Variants in LYG2 observed in about 807,000 individuals in gnomAD.
The protein encoded by LYG2 is lysozyme g-like protein 2.
LYG2 carries 25 observed loss-of-function variants against 22.4 expected under a neutral mutation model. The observed-to-expected ratio is 1.12, with a 90% CI of 0.81 to 1.56. LYG2 has a LOEUF of 1.56. Ranked by LOEUF, LYG2 falls within the 40% of genes most tolerant of loss-of-function variation. The probability of loss-of-function intolerance (pLI) is 0.00; values close to 1 mark genes in which losing one functional copy is unlikely to be tolerated. For missense variants in LYG2, 266 were observed against 269.5 expected (o/e 0.99, Z 0.09); for synonymous variants, 88 against 97.0 (o/e 0.91, Z 0.55).
chr2:99,254,406 TTCAAGATAGTATTCTCA>T, intron 2 of LYG2, 121 bp from the exon 3 acceptor site: 2 of 680,664 alleles, frequency 2.9e-6, no homozygotes, highest in Non-Finnish European at 5.0e-6. Context: ...ATTTCCCTGT[TTCAAGATAGTATTCTCA>T]CAGGCTCAGT....
intron 5 of LYG2, 53 bp downstream of exon 5, chr2:99,245,209 G>T: frequency 1.3e-6 from 2 of 1,482,356 alleles, no homozygotes; most frequent in South Asian, 2.9e-5. Context: ...TTCAGGTTGA[G>T]CTTCTGTGAG....
intron 4 of LYG2, 78 bp downstream of exon 4, chr2:99,246,602 A>C (rs767869498): frequency 1.8e-5 from 27 of 1,529,368 alleles, no homozygotes; most frequent in Non-Finnish European, 2.4e-5. Context: ...TACCTTTTCA[A>C]AATTAAGTGA....
intron 3 of LYG2, among the ~76,000 whole-genome samples, chr2:99,248,458 C>G (rs1396621110): frequency 6.6e-6 from 1 of 151,978 alleles, no homozygotes; most frequent in Non-Finnish European, 1.5e-5. Context: ...TGGAAATCAT[C>G]ATTCTCAGTA....
chr2:99,245,307 C>A lies in LYG2; in HGVS notation c.336G>T (p.Leu112=), dbSNP rs571221247. ...ISRESHGGSV[L]QDGWDHRGLK... ...GTCCCCTGTGGTCCCAGCCGTCTTGCAGGACAGATCCGCCATGGCTTTCCC... is the reference window on the plus strand; with the variant it reads ...GTCCCCTGTGGTCCCAGCCGTCTTGAAGGACAGATCCGCCATGGCTTTCCC... The change falls in exon 5 of 7, where the codon CTG becomes CTT. Residue 112 remains leucine, a synonymous_variant. Transcript: ENST00000333017. The A allele has an allele frequency of 6.9e-5, 112 of 1,611,862 alleles. No homozygotes were observed. The South Asian group carries it at 1.0e-3, about 15-fold the overall frequency.
intron 3 of LYG2, among the ~76,000 whole-genome samples, chr2:99,247,951 C>G (rs1357143909): frequency 1.3e-4 from 20 of 152,110 alleles, no homozygotes; most frequent in African/African-American, 7.2e-5. Context: ...CAAAAGAAGA[C>G]ATTTATGCAG....
intron 3 of LYG2, among the ~76,000 whole-genome samples, chr2:99,253,671 C>T (rs2094031161): frequency 1.3e-5 from 2 of 152,056 alleles, no homozygotes; most frequent in Admixed American, 1.3e-4. Context: ...TTCATTTCTG[C>T]CTCTGCTTTT....
Position 99,254,288 on chromosome 2 carries a change from G to A in LYG2, c.-25-3C>T. ...CGGGGAATCTTATCTTCCAGGACCT[G>A]CTCTGATTTGAAATAGAAACTGGTT... is the stretch of plus-strand genomic sequence containing the variant. On this transcript the variant is annotated splice_polypyrimidine_tract_variant and splice_region_variant and intron_variant, in intron 2 of 6. Transcript: ENST00000333017. 6.2e-6 allele frequency: 10 copies of A among 1,608,324 alleles called. No individual in the cohort carries two copies. The highest frequency in any genetic ancestry group is 8.5e-6 in the Non-Finnish European group (10 of 1,177,176).
chr2:99,259,456 G>A (rs2105278204), upstream of LYG2, among the ~76,000 whole-genome samples: 1 of 152,206 alleles, frequency 6.6e-6, no homozygotes, highest in Non-Finnish European at 1.5e-5. Context: ...ACCTGGGCTG[G>A]GTCAGGTGCC....
intron 3 of LYG2, among the ~76,000 whole-genome samples, chr2:99,251,677 A>T (rs529502294): frequency 8.5e-5 from 13 of 152,192 alleles, no homozygotes; most frequent in Non-Finnish European, 4.4e-5. Flanking sequence ...GAGCACTTTT[A>T]CTTCCCACAC....
chr2:99,250,373 C>CT (rs531807991), intron 3 of LYG2, among the ~76,000 whole-genome samples: 13,071 of 130,326 alleles, frequency 0.1, 1,033 homozygotes, highest in East Asian at 0.21. Context: ...TTTTCCAACT[C>CT]TTTTTTTTTT....
At chr2:99,246,375 T>C (rs1301485515) in intron 4 of LYG2, among the ~76,000 whole-genome samples, 1 of 152,156 alleles carries the variant, frequency 6.6e-6, no homozygotes, top group Admixed American at 6.5e-5. Flanking sequence ...CAAATGGTCA[T>C]GTGTAACATG....
intron 3 of LYG2, among the ~76,000 whole-genome samples, chr2:99,249,672 A>T (rs2094022765): frequency 6.8e-6 from 1 of 147,494 alleles, no homozygotes; most frequent in Non-Finnish European, 1.5e-5. Context: ...GAGGCAGAAG[A>T]ATCGCTTGAA....
At chr2:99,244,279 A>C (rs1424814739) in intron 5 of LYG2, 142 bp from the exon 6 acceptor site, 6 of 807,246 alleles carry the variant, frequency 7.4e-6, no homozygotes, top group Non-Finnish European at 9.5e-6. Flanking sequence ...TTTCTTTCAT[A>C]TAGATGAGAG....
Position 99,250,438 on chromosome 2 carries a change from G to A in LYG2, c.44-3618C>T, listed in dbSNP as rs996747189. On this transcript the variant is annotated intron_variant, in intron 3 of 6. Coordinates refer to ENST00000333017, the MANE Select transcript of LYG2 (RefSeq NM_175735.4). ...CGCCCAGGCTGCAGTACAGTGGTGC[G>A]ATCATGGCTCACTGCAAGCTCCGCC... Among the ~76,000 whole-genome samples the A allele has an allele frequency of 1.1e-4, 16 of 147,894 alleles. 1 individual carries two copies. The highest frequency in any genetic ancestry group is 7.6e-4 in the Admixed American group (11 of 14,554).
chr2:99,253,708 C>T (rs954588483), intron 3 of LYG2, among the ~76,000 whole-genome samples: 8 of 152,172 alleles, frequency 5.3e-5, no homozygotes, highest in African/African-American at 2.4e-5. Context: ...TCCCATCCAG[C>T]AGGCTCTTCC....
chr2:99,248,564 C>T (rs1405686662), intron 3 of LYG2, among the ~76,000 whole-genome samples: 2 of 138,920 alleles, frequency 1.4e-5, no homozygotes, highest in African/African-American at 5.4e-5. Context: ...AGGGGAACAT[C>T]ACACTCTGGG....
chr2:99,250,192 C>T (rs2094023571), intron 3 of LYG2, among the ~76,000 whole-genome samples: 1 of 152,132 alleles, frequency 6.6e-6, no homozygotes, highest in Non-Finnish European at 1.5e-5. Context: ...TGCTATTCCT[C>T]CTGGTATCTA....
chr2:99,256,592 A>G (rs1490366712), upstream of LYG2, among the ~76,000 whole-genome samples: 3 of 152,250 alleles, frequency 2.0e-5, no homozygotes, highest in Non-Finnish European at 2.9e-5. Context: ...GTTACGAATG[A>G]TAAGTTAGGT....
Position 99,245,321 on chromosome 2 carries a change from C to CA in LYG2, c.321dup (p.Gly108TrpfsTer15), listed in dbSNP as rs760669434. ...CAGCCGTCTTGCAGGACAGATCCGC[C>CA]ATGGCTTTCCCTGGAGATGATGGCT... On this transcript the variant is annotated frameshift_variant, in exon 5 of 7. Coordinates refer to ENST00000333017, the MANE Select transcript of LYG2 (RefSeq NM_175735.4). LOFTEE classifies it high-confidence loss of function. The CA allele has an allele frequency of 6.2e-7, 1 of 1,612,924 alleles. No individual in the cohort carries two copies. Among genetic ancestry groups the CA allele is most frequent in the South Asian group, 1.1e-5 (1 of 90,790 alleles).
Sources: gnomAD v4.1 joint callset for allele counts (sites outside exome capture counted in the v4.1 genomes callset) on GRCh38, gnomAD v4.1.1 for gene constraint, MANE v1.5 for transcripts, NCBI Gene and HGNC (gene_info 2026-07-23, HGNC 2026-07-21) for gene names.